Variants in SRGAP2 observed in about 807,000 individuals in gnomAD.
SRGAP2 encodes the protein SLIT-ROBO Rho GTPase activating protein 2.
SRGAP2 carries 15 observed loss-of-function variants against 57.2 expected under a neutral mutation model. The ratio of observed to expected loss-of-function variants is 0.26; its 90% CI spans 0.18 to 0.40. The LOEUF (loss-of-function observed/expected upper bound fraction) is 0.40. Ranked by LOEUF, SRGAP2 falls within the 10% of genes least tolerant of loss-of-function variation. The probability of loss-of-function intolerance (pLI) is 1.00; values close to 1 mark genes in which losing one functional copy is unlikely to be tolerated. For synonymous variants in SRGAP2, 249 were observed against 248.0 expected (o/e 1.00, Z -0.04); for missense variants, 520 against 669.6 (o/e 0.78, Z 2.47).
At chr1:206,238,719 T>C (rs1221603040) in intron 2 of SRGAP2, among the ~76,000 whole-genome samples, 1 of 151,860 alleles carries the variant, frequency 6.6e-6, no homozygotes, top group Non-Finnish European at 1.5e-5. Flanking sequence ...AATAGGATCC[T>C]GTGGCTGGGC....
chr1:206,234,894 A>T lies in SRGAP2; in HGVS notation c.67+28857A>T, dbSNP rs540921156. On this transcript the variant is annotated intron_variant, in intron 2 of 22. Transcript: ENST00000573034. ...AGAGCTTTCCATAGTAATGAAAGAA[A>T]TGTTAAGAACTGCAGGAAATGGGTA... Among the ~76,000 whole-genome samples the T allele has an allele frequency of 3.8e-4, 58 of 152,152 alleles. No individual in the cohort carries two copies. In the East Asian group the frequency reaches 9.9e-3, roughly 26 times the overall value.
chr1:206,363,976 A>G (rs1192105676), intron 4 of SRGAP2, among the ~76,000 whole-genome samples: 1 of 150,702 alleles, frequency 6.6e-6, no homozygotes, highest in Non-Finnish European at 1.5e-5. Context: ...AACTGAAACA[A>G]TCCTACTAGC....
chr1:206,435,038 A>G (rs1441719736), intron 14 of SRGAP2, among the ~76,000 whole-genome samples: 1 of 151,766 alleles, frequency 6.6e-6, no homozygotes, highest in Non-Finnish European at 1.5e-5. Flanking sequence ...TGTAACTAGT[A>G]TTATAGTCCT....
Position 206,453,303 on chromosome 1 carries a change from T to C in SRGAP2, c.2283T>C (p.Ala761=). Residue 761 remains alanine, a synonymous_variant, in exon 20 of 23, where the codon GCT becomes GCC. Coordinates refer to ENST00000573034, the MANE Select transcript of SRGAP2 (RefSeq NM_015326.5). The part of the protein sequence containing the change: ...KGASLLLYQR[A]SDDWWEGRHN... Reference sequence around the variant, plus strand: ...CATCCCTGCTGCTTTACCAGCGGGCTTCCGACGACTGGTGGGAAGGCCGGC... The same window carrying C: ...CATCCCTGCTGCTTTACCAGCGGGCCTCCGACGACTGGTGGGAAGGCCGGC... The C allele has an allele frequency of 1.3e-6, 1 of 761,594 alleles. No homozygotes were observed. Among genetic ancestry groups the C allele is most frequent in the East Asian group, 2.6e-5 (1 of 38,848 alleles). The allele number at this position is 761,594 out of a possible 1,614,324, so 47.2% of individuals were successfully genotyped here. A position where few individuals can be genotyped will look rare whatever the true frequency, so the allele number is the denominator to read the frequency against.
chr1:206,454,864 C>A lies in SRGAP2; in HGVS notation c.2361-14C>A. ...TTTTCCCTCCTCCCTGCCTGCCTGC[C>A]CCTTCTCCCCCAGCGAGGACGGTGT... On this transcript the variant is annotated splice_polypyrimidine_tract_variant and intron_variant, in intron 20 of 22. Transcript: ENST00000573034. The surrounding 1 kb of genome is among the most constrained non-coding windows in gnomAD (Gnocchi z 4.3). The A allele has an allele frequency of 1.3e-6, 1 of 743,024 alleles. No individual in the cohort carries two copies. The highest frequency in any genetic ancestry group is 2.5e-6 in the Non-Finnish European group (1 of 398,680). The allele number at this position is 743,024 out of a possible 1,614,324, so 46.0% of individuals were successfully genotyped here. A position where few individuals can be genotyped will look rare whatever the true frequency, so the allele number is the denominator to read the frequency against.
At chr1:206,433,149 C>T (rs141953104) in intron 14 of SRGAP2, among the ~76,000 whole-genome samples, 1,929 of 152,132 alleles carry the variant, frequency 0.013, 24 homozygotes, top group South Asian at 0.026. Context: ...AGAATATCCA[C>T]GTATCTTCTC....
intron 10 of SRGAP2, among the ~76,000 whole-genome samples, chr1:206,413,367 A>T (rs1659382931): frequency 6.6e-6 from 1 of 152,152 alleles, no homozygotes; most frequent in Non-Finnish European, 1.5e-5. Context: ...ACAATTAGGC[A>T]TTGGTTGGGG....
intron 10 of SRGAP2, among the ~76,000 whole-genome samples, chr1:206,414,757 C>T (rs1659534034): frequency 6.6e-6 from 1 of 152,200 alleles, no homozygotes; most frequent in African/African-American, 2.4e-5. Flanking sequence ...CCTCCCCTCC[C>T]CTGAGATAAT....
chr1:206,359,955 C>T (rs1676773535), intron 4 of SRGAP2, among the ~76,000 whole-genome samples: 1 of 150,246 alleles, frequency 6.7e-6, no homozygotes, highest in Non-Finnish European at 1.5e-5. Flanking sequence ...TACAGGCGCC[C>T]GCCACTACGC....
chr1:206,353,798 A>ATTTTT (rs566625693), intron 4 of SRGAP2, among the ~76,000 whole-genome samples: 3 of 127,328 alleles, frequency 2.4e-5, no homozygotes, highest in African/African-American at 9.1e-5. Context: ...TTTATTTCAG[A>ATTTTT]TTTTTTTTTT....
chr1:206,458,227 A>C (rs1276246862), intron 21 of SRGAP2: 1 of 397,244 alleles, frequency 2.5e-6, no homozygotes, highest in Non-Finnish European at 5.0e-6. Context: ...TCTTACCAGC[A>C]ATCTTGACCT....
At chr1:206,412,029 G>T (rs781898456) in intron 10 of SRGAP2, among the ~76,000 whole-genome samples, 9 of 151,992 alleles carry the variant, frequency 5.9e-5, no homozygotes, top group Admixed American at 5.2e-4. Context: ...CTCATTTTTC[G>T]GATGGAAAAA....
chr1:206,231,264 C>CAT (rs1361048308), intron 2 of SRGAP2, among the ~76,000 whole-genome samples: 1 of 152,080 alleles, frequency 6.6e-6, no homozygotes, highest in Non-Finnish European at 1.5e-5. Context: ...ATCTCTTCTA[C>CAT]TGGTAGCTTT....
chr1:206,456,621 A>G (rs1482731992), intron 21 of SRGAP2, among the ~76,000 whole-genome samples: 2 of 152,204 alleles, frequency 1.3e-5, no homozygotes, highest in East Asian at 3.8e-4. Context: ...AAGAAGAAAA[A>G]AAAAGAGTAT....
chr1:206,358,728 A>T (rs564781757), intron 4 of SRGAP2, among the ~76,000 whole-genome samples: 1 of 151,842 alleles, frequency 6.6e-6, no homozygotes, highest in Admixed American at 6.6e-5. Flanking sequence ...GTATTGCTTT[A>T]CTCAAATTCA....
At chr1:206,441,999 G>T (rs559575464) in intron 17 of SRGAP2, among the ~76,000 whole-genome samples, 2 of 152,252 alleles carry the variant, frequency 1.3e-5, no homozygotes, top group African/African-American at 4.8e-5. Flanking sequence ...ATATTTCTTT[G>T]TGAAAATGAG....
intron 3 of SRGAP2, among the ~76,000 whole-genome samples, chr1:206,306,205 C>G (rs1672183796): frequency 6.6e-6 from 1 of 152,100 alleles, no homozygotes; most frequent in Non-Finnish European, 1.5e-5. Context: ...AGGCTGCGGA[C>G]CCTTGCGGTG....
chr1:206,302,676 C>G (rs1671940945), intron 2 of SRGAP2, among the ~76,000 whole-genome samples: 1 of 152,040 alleles, frequency 6.6e-6, no homozygotes, highest in Non-Finnish European at 1.5e-5. Context: ...TTGATTGCTA[C>G]CATTTGACCT....
chr1:206,362,780 T>C (rs1420221372), intron 4 of SRGAP2, among the ~76,000 whole-genome samples: 26 of 150,954 alleles, frequency 1.7e-4, no homozygotes, highest in Admixed American at 5.9e-4. Context: ...TGGGCTATTA[T>C]GATAGTTCTA....
Sources: gnomAD v4.1 joint callset for allele counts (sites outside exome capture counted in the v4.1 genomes callset) on GRCh38, gnomAD v4.1.1 for gene constraint, Gnocchi (gnomAD v3.1) non-coding constraint, MANE v1.5 for transcripts, NCBI Gene and HGNC (gene_info 2026-07-23, HGNC 2026-07-21) for gene names.